The following SORCS2 variants were observed in gnomAD, a reference collection of about 807,000 sequenced individuals.
SORCS2 encodes sortilin related VPS10 domain containing receptor 2, also known as VPS10 domain-containing receptor SorCS2.
In SORCS2, 100 loss-of-function variants were observed where a neutral mutation model predicts 141.6. The observed-to-expected ratio is 0.71, with a 90% confidence interval of 0.60 to 0.83. The LOEUF (loss-of-function observed/expected upper bound fraction) is 0.83, where lower values mean the gene tolerates loss of function less well. Among genes scored for constraint, SORCS2 ranks in the 40% least tolerant of loss-of-function variants. The pLI, the probability that SORCS2 is intolerant of heterozygous loss-of-function variation, is 0.00. For synonymous variants in SORCS2, 789 were observed against 676.9 expected (o/e 1.17, Z -2.57); for missense variants, 1,646 against 1,560.2 (o/e 1.05, Z -0.93).
intron 1 of SORCS2, among the ~76,000 whole-genome samples, chr4:7,376,944 T>A (rs1267994930): frequency 7.8e-6 from 1 of 128,684 alleles, no homozygotes; most frequent in East Asian, 2.8e-4. Context: ...GCACAAACCC[T>A]GGCCTGCAGT....
chr4:7,256,312 A>C (rs10022730), intron 1 of SORCS2, among the ~76,000 whole-genome samples: 133,357 of 152,248 alleles, frequency 0.88, 58,585 homozygotes, highest in African/African-American at 0.93. Flanking sequence ...TCTTTTGATT[A>C]TTCTAGAGAA....
intron 1 of SORCS2, among the ~76,000 whole-genome samples, chr4:7,360,159 C>T (rs992306025): frequency 1.3e-5 from 2 of 152,348 alleles, no homozygotes; most frequent in East Asian, 1.9e-4. Flanking sequence ...CATTGATCCG[C>T]CTACTCTGTG....
At chr4:7,254,500 T>C (rs1321660912) in intron 1 of SORCS2, among the ~76,000 whole-genome samples, 1 of 152,182 alleles carries the variant, frequency 6.6e-6, no homozygotes, top group Non-Finnish European at 1.5e-5. Flanking sequence ...TGTGGAGTGA[T>C]AGACAGTGGA....
In SORCS2 at chr4:7,648,613, G is replaced by C. The variant is rs1270765814; in HGVS notation, c.814-5521G>C. On this transcript the variant is annotated intron_variant, in intron 4 of 26. Transcript: ENST00000507866. The surrounding 1 kb of genome is among the most constrained non-coding windows in gnomAD (Gnocchi z 4.2). ...GGGCGCAGAGCAGATGACGAGGGATGGGTTAGAAGCTGCTGGGTCTACTGA... is the reference window on the plus strand; with the variant it reads ...GGGCGCAGAGCAGATGACGAGGGATCGGTTAGAAGCTGCTGGGTCTACTGA... Among the ~76,000 whole-genome samples, 1 of 152,164 alleles carries C rather than the reference G, an allele frequency of 6.6e-6. No homozygotes were observed. The highest frequency in any genetic ancestry group is 2.4e-5 in the African/African-American group (1 of 41,430).
intron 1 of SORCS2, among the ~76,000 whole-genome samples, chr4:7,243,046 GGGGTTGA>G (rs77188810): frequency 0.11 from 16,790 of 151,944 alleles, 1,377 homozygotes; most frequent in African/African-American, 0.23. Flanking sequence ...AGGGCCCCTG[GGGGTTGA>G]GGGTTGGCTC....
rs370184657 is a variant in SORCS2, at chr4:7,434,302, C to T, written c.548+37947C>T. 22 of 1,611,778 alleles carry T rather than the reference C, an allele frequency of 1.4e-5. No individual in the cohort carries two copies. The highest frequency in any genetic ancestry group is 7.7e-5 in the South Asian group (7 of 90,848). On this transcript the variant is annotated intron_variant, in intron 2 of 26. Coordinates refer to ENST00000507866, the MANE Select transcript of SORCS2 (RefSeq NM_020777.3). ...GTTGGACCGGACAGCCTCCTGGAGT[C>T]GGGAGACCTGCCGTACACAGTCTTG...
At chr4:7,276,952 C>T (rs1165631643) in intron 1 of SORCS2, among the ~76,000 whole-genome samples, 2 of 152,220 alleles carry the variant, frequency 1.3e-5, no homozygotes, top group Non-Finnish European at 2.9e-5. Context: ...CTCTGAATCT[C>T]ATGACCAGTG....
rs1331629848 is a variant in SORCS2 at position 7,338,526 on chromosome 4, G to C, written c.481-57762G>C. On this transcript the variant is annotated intron_variant, in intron 1 of 26. Coordinates refer to ENST00000507866, the MANE Select transcript of SORCS2 (RefSeq NM_020777.3). The stretch of plus-strand genomic sequence containing the variant: ...TCATCTGTCCCTGTCTCTCTGTATT[G>C]GTGGGCAAACTGAGGCCCAGAGGCA... Among the ~76,000 whole-genome samples the C allele has an allele frequency of 2.0e-5, 3 of 152,106 alleles. No homozygotes were observed. The East Asian group carries it at 5.8e-4, about 29-fold the overall frequency.
At chr4:7,667,271 C>G in intron 8 of SORCS2, 58 bp downstream of exon 8, 2 of 1,491,486 alleles carry the variant, frequency 1.3e-6, no homozygotes, top group Non-Finnish European at 1.9e-6. Context: ...TATCCTGACT[C>G]ATGGGGCAAC....
intron 14 of SORCS2, among the ~76,000 whole-genome samples, 163 bp from the exon 15 acceptor site, chr4:7,712,570 G>A (rs747182220): frequency 4.6e-5 from 7 of 152,226 alleles, no homozygotes; most frequent in Admixed American, 1.3e-4. Flanking sequence ...GGCCAGGCTC[G>A]GTGACCGGGG....
intron 1 of SORCS2, among the ~76,000 whole-genome samples, chr4:7,360,349 A>G (rs886602502): frequency 1.3e-5 from 2 of 151,982 alleles, no homozygotes; most frequent in Admixed American, 6.6e-5. Context: ...AGGGGTCCCA[A>G]CCCTGCCTGA....
chr4:7,340,687 A>G (rs572584519), intron 1 of SORCS2, among the ~76,000 whole-genome samples: 34 of 152,356 alleles, frequency 2.2e-4, no homozygotes, highest in Non-Finnish European at 4.9e-4. Flanking sequence ...CCTGAGCTCC[A>G]GCTGCAGGCC....
At chr4:7,332,928 C>A (rs534344759) in intron 1 of SORCS2, among the ~76,000 whole-genome samples, 1 of 152,222 alleles carries the variant, frequency 6.6e-6, no homozygotes, top group East Asian at 1.9e-4. Context: ...GTCTCTGTTT[C>A]CACATCAGCA....
At chr4:7,258,988 A>T (rs1020931545) in intron 1 of SORCS2, among the ~76,000 whole-genome samples, 2 of 151,942 alleles carry the variant, frequency 1.3e-5, no homozygotes, top group African/African-American at 2.4e-5. Context: ...TTTTTTTCTT[A>T]TAAATGTGTT....
At chr4:7,443,757 G>A (rs1264371070) in intron 2 of SORCS2, among the ~76,000 whole-genome samples, 2 of 152,248 alleles carry the variant, frequency 1.3e-5, no homozygotes. Context: ...AGAGGGAAAA[G>A]TACAGAATGC....
chr4:7,516,633 C>A (rs1482037823), intron 2 of SORCS2, among the ~76,000 whole-genome samples: 1 of 152,088 alleles, frequency 6.6e-6, no homozygotes, highest in Non-Finnish European at 1.5e-5. Context: ...GCAGGACAGG[C>A]GTCGGGGCTG....
At chr4:7,611,203 T>C (rs1448930427) in intron 3 of SORCS2, among the ~76,000 whole-genome samples, 1 of 152,178 alleles carries the variant, frequency 6.6e-6, no homozygotes, top group Non-Finnish European at 1.5e-5. Context: ...GCAGAAACCA[T>C]GACCTCAGCA....
At chr4:7,215,797 A>G (rs905091032) in intron 1 of SORCS2, among the ~76,000 whole-genome samples, 3 of 152,128 alleles carry the variant, frequency 2.0e-5, no homozygotes, top group African/African-American at 7.2e-5. Context: ...GAAACTGTGT[A>G]TCTAACTAAT....
At position 7,485,879 on chromosome 4, in the gene SORCS2, G is replaced by A. The variant is rs993382612; in HGVS notation, c.549-45651G>A. ...AGGACTGAGTAGGGAGGCTCAGGGCGGGTAGACAGGCTCTGGGATGTGGCA... is the reference window on the plus strand; with the variant it reads ...AGGACTGAGTAGGGAGGCTCAGGGCAGGTAGACAGGCTCTGGGATGTGGCA... On this transcript the variant is annotated intron_variant, in intron 2 of 26. Transcript: ENST00000507866. Among the ~76,000 whole-genome samples, 6 of 152,268 alleles carry A rather than the reference G, an allele frequency of 3.9e-5. No homozygotes were observed. The South Asian group carries it at 1.2e-3, about 32-fold the overall frequency.
Sources: allele counts gnomAD v4.1 joint callset (sites outside exome capture counted in the v4.1 genomes callset), GRCh38; gene constraint gnomAD v4.1.1; non-coding constraint Gnocchi (gnomAD v3.1); transcripts MANE v1.5; gene names NCBI Gene and HGNC (gene_info 2026-07-23, HGNC 2026-07-21).